PRPF40B: variants seen among roughly 807,000 people sequenced by gnomAD.
PRPF40B encodes the protein pre-mRNA-processing factor 40 homolog B.
A neutral mutation model predicts 124.5 loss-of-function variants in PRPF40B; 56 were observed. The observed-to-expected ratio is 0.45, with a 90% CI of 0.36 to 0.56. The LOEUF (loss-of-function observed/expected upper bound fraction) is 0.56. Ranked by LOEUF, PRPF40B falls within the 20% of genes least tolerant of loss-of-function variation. PRPF40B has a pLI of 0.00. For synonymous variants in PRPF40B, 443 were observed against 426.4 expected (o/e 1.04, Z -0.48); for missense variants, 1,053 against 1,169.5 (o/e 0.90, Z 1.45).
chr12:49,633,247 C>G lies in PRPF40B; in HGVS notation c.459+123C>G, dbSNP rs1227411764. ...TCTGATCCCAAGGTCCCTGACCATT[C>G]CTCACCCTCCCTGGAAATGCCTCCA... On this transcript the variant is annotated intron_variant, in intron 7 of 25. Coordinates refer to ENST00000548825, the MANE Select transcript of PRPF40B (RefSeq NM_001031698.3). 12 of 1,245,434 alleles carry G rather than the reference C, an allele frequency of 9.6e-6. No homozygotes were observed. The Admixed American group carries it at 2.3e-4, about 23-fold the overall frequency. The allele number at this position is 1,245,434 out of a possible 1,614,324, so 77.1% of individuals were successfully genotyped here.
Position 49,633,911 on chromosome 12 carries a change from A to ACACTTCAGCCACAGC in PRPF40B, c.635_649dup (p.Leu212_Pro216dup). 1 of 1,614,098 alleles carries ACACTTCAGCCACAGC rather than the reference A, an allele frequency of 6.2e-7. No homozygotes were observed. The highest frequency in any genetic ancestry group is 8.5e-7 in the Non-Finnish European group (1 of 1,180,002). On this transcript the variant is annotated inframe_insertion, in exon 10 of 26. Transcript: ENST00000548825. ...GAAACAGCAGCAGCAGCTGCCACAG[A>ACACTTCAGCCACAGC]CACTTCAGCCACAGCCACCTCAGCC... is the stretch of plus-strand genomic sequence containing the variant.
In PRPF40B at chr12:49,642,605, C is replaced by A; in HGVS notation, c.2048C>A (p.Ser683Ter). 1 of 1,614,242 alleles carries A rather than the reference C, an allele frequency of 6.2e-7. No homozygotes were observed. Among genetic ancestry groups the A allele is most frequent in the Non-Finnish European group, 8.5e-7 (1 of 1,180,034 alleles). ...EEVRERFVCD[S>*]AFEQITLESE... ...GTCCGTGAGCGTTTTGTGTGTGACT[C>A]AGCCTTTGAGCAGATCACCCTGGAG... The change falls in exon 21 of 26, where the codon TCA becomes TAA. Residue 683 changes from serine (S) to a stop codon, truncating the protein, a stop_gained. Coordinates refer to ENST00000548825, the MANE Select transcript of PRPF40B (RefSeq NM_001031698.3). LOFTEE classifies it high-confidence loss of function. The surrounding 1 kb of genome is among the most constrained non-coding windows in gnomAD (Gnocchi z 5.8).
At chr12:49,632,059 C>A in intron 4 of PRPF40B, 134 bp downstream of exon 4, 1 of 851,212 alleles carries the variant, frequency 1.2e-6, no homozygotes, top group Non-Finnish European at 2.0e-6. Context: ...GCACTCCCCA[C>A]ACTCAAATCC....
chr12:49,635,973 C>G lies in PRPF40B; in HGVS notation c.1406C>G (p.Ala469Gly). Residue 469 changes from alanine (A) to glycine (G), a missense_variant, in exon 15 of 26, where the codon GCT becomes GGT. Physicochemically the swap from Ala to Gly is moderately conservative, Grantham distance 60 (BLOSUM62 0). Transcript: ENST00000548825. The surrounding 1 kb of genome is among the most constrained non-coding windows in gnomAD (Gnocchi z 4.1). ...QQYLMDNPSF[A>G]QDHQLQNMDK... ...TACCTCATGGATAACCCCAGCTTTG[C>G]TCAGGACCATCAGCTGCAGAGTAAG... The G allele has an allele frequency of 6.2e-7, 1 of 1,614,150 alleles. No homozygotes were observed. The highest frequency in any genetic ancestry group is 8.5e-7 in the Non-Finnish European group (1 of 1,180,002).
intron 1 of PRPF40B, among the ~76,000 whole-genome samples, chr12:49,627,615 G>A (rs1344336808): frequency 6.6e-6 from 1 of 152,128 alleles, no homozygotes; most frequent in African/African-American, 2.4e-5. Context: ...AAGGTAGCTG[G>A]GTAGCAGACC....
rs946206565 is a variant in PRPF40B at position 49,631,998 on chromosome 12, A to G, written c.294+73A>G. On this transcript the variant is annotated intron_variant, in intron 4 of 25. Coordinates refer to ENST00000548825, the MANE Select transcript of PRPF40B (RefSeq NM_001031698.3). This position sits in a 1 kb window ranked among gnomAD's most constrained non-coding sequence, Gnocchi z 4.3. ...TGAGTCTGACTTGGAATGCAGGACT[A>G]TGACCTCCATTCTTTCCCTCTTCTC... is the stretch of plus-strand genomic sequence containing the variant. The G allele has an allele frequency of 6.5e-6, 9 of 1,394,302 alleles. No individual in the cohort carries two copies. Among genetic ancestry groups the G allele is most frequent in the Admixed American group, 1.7e-5 (1 of 59,706 alleles). The allele number at this position is 1,394,302 out of a possible 1,614,324, so 86.4% of individuals were successfully genotyped here. A position where few individuals can be genotyped will look rare whatever the true frequency, so the allele number is the denominator to read the frequency against.
rs572799556 is a variant in PRPF40B at position 49,641,959 on chromosome 12, G to A, written c.1819G>A (p.Val607Ile). The A allele has an allele frequency of 6.8e-6, 11 of 1,613,874 alleles. No individual in the cohort carries two copies. In the East Asian group the frequency reaches 8.9e-5, roughly 13 times the overall value. The change falls in exon 19 of 26, where the codon GTC (valine) becomes ATC (isoleucine). Residue 607 changes from valine to isoleucine, a missense_variant. Val to Ile is a conservative substitution (Grantham distance 29, BLOSUM62 3). This residue lies in a region of PRPF40B where 895 missense variants were observed against 1,052.2 expected (regional missense o/e 0.85). Coordinates refer to ENST00000548825, the MANE Select transcript of PRPF40B (RefSeq NM_001031698.3). Reference protein sequence around the residue: ...VNTAFEDFAHVISFDKRAAAL... With the variant: ...VNTAFEDFAHIISFDKRAAAL... ...CACGGCCTTTGAGGACTTCGCCCAC[G>A]TCATAAGCTTTGACAAGAGGGCTGC...
Position 49,644,207 on chromosome 12 carries a change from C to T in PRPF40B, c.*15C>T, listed in dbSNP as rs775173249. The T allele has an allele frequency of 8.1e-6, 13 of 1,613,742 alleles. No homozygotes were observed. Among genetic ancestry groups the T allele is most frequent in the Admixed American group, 3.3e-5 (2 of 60,000 alleles). On this transcript the variant is annotated 3_prime_UTR_variant, in exon 26 of 26. Coordinates refer to ENST00000548825, the MANE Select transcript of PRPF40B (RefSeq NM_001031698.3). ...ATCACCAGTGACCCAATGAGCTGTT[C>T]TCTGCCTCGGGTCTGTGTGAGGCCA...
At chr12:49,636,870 A>G in intron 16 of PRPF40B, 21 bp downstream of exon 16, 2 of 1,612,974 alleles carry the variant, frequency 1.2e-6, no homozygotes, top group South Asian at 1.1e-5. Flanking sequence ...TGTCCTTTCT[A>G]GATCAGAGCT....
chr12:49,631,522 G>C lies in PRPF40B; in HGVS notation c.206G>C (p.Gly69Ala). Residue 69 changes from glycine to alanine, a missense_variant, in exon 3 of 26, where the codon GGG (glycine) becomes GCG (alanine). Coordinates refer to ENST00000548825, the MANE Select transcript of PRPF40B (RefSeq NM_001031698.3). The surrounding 1 kb of genome is among the most constrained non-coding windows in gnomAD (Gnocchi z 4.3). ...CTGCCCCCAATGCTTCCACCAATGGGGGCGCCACCACCACTCACACAGGTA... is the reference window on the plus strand; with the variant it reads ...CTGCCCCCAATGCTTCCACCAATGGCGGCGCCACCACCACTCACACAGGTA... The part of the protein sequence containing the change: ...GILPPMLPPM[G>A]APPPLTQIPG... 2 of 1,548,954 alleles carry C rather than the reference G, an allele frequency of 1.3e-6. No individual in the cohort carries two copies. The highest frequency in any genetic ancestry group is 8.7e-7 in the Non-Finnish European group (1 of 1,155,082).
Position 49,631,676 on chromosome 12 carries a change from T to C in PRPF40B, c.228+132T>C. 1.5e-6 allele frequency: 2 copies of C among 1,321,590 alleles called. No homozygotes were observed. The highest frequency in any genetic ancestry group is 2.1e-6 in the Non-Finnish European group (2 of 935,752). The allele number at this position is 1,321,590 out of a possible 1,614,324, so 81.9% of individuals were successfully genotyped here. ...TTTGGGCCAAACCCATGTGGATTTG[T>C]CTGCTGAATGACTGAGACAACTCTC... On this transcript the variant is annotated intron_variant, in intron 3 of 25. Coordinates refer to ENST00000548825, the MANE Select transcript of PRPF40B (RefSeq NM_001031698.3). This position sits in a 1 kb window ranked among gnomAD's most constrained non-coding sequence, Gnocchi z 4.3.
chr12:49,640,967 G>T (rs542459954), intron 18 of PRPF40B: 57 of 152,328 alleles, frequency 3.7e-4, no homozygotes, highest in African/African-American at 1.3e-3. Flanking sequence ...AGTACCCTTG[G>T]AAAGAAGAAA....
At position 49,633,968 on chromosome 12, in the gene PRPF40B, C is replaced by G; in HGVS notation, c.688C>G (p.Pro230Ala). The G allele has an allele frequency of 6.2e-7, 1 of 1,614,232 alleles. No individual in the cohort carries two copies. The highest frequency in any genetic ancestry group is 8.5e-7 in the Non-Finnish European group (1 of 1,180,038). ...TGACCCCCCACCTGTGCCTCCTGGC[C>G]CCACCCCAGTGCCCACAGGCCTCCT... is the stretch of plus-strand genomic sequence containing the variant. ...QPDPPPVPPG[P>A]TPVPTGLLEP... The change falls in exon 10 of 26, where the codon CCC (proline) becomes GCC (alanine). Residue 230 changes from proline (P) to alanine (A), a missense_variant. By Grantham distance (27) the Pro-to-Ala change is conservative. Coordinates refer to ENST00000548825, the MANE Select transcript of PRPF40B (RefSeq NM_001031698.3).
intron 18 of PRPF40B, chr12:49,638,118 A>T: frequency 2.7e-6 from 1 of 369,946 alleles, no homozygotes; most frequent in South Asian, 3.2e-5. Context: ...AGAAATTTGT[A>T]GGTGGAAGAG....
In PRPF40B at chr12:49,642,760, T is replaced by C; in HGVS notation, c.2118+85T>C. On this transcript the variant is annotated intron_variant, in intron 21 of 25. Transcript: ENST00000548825. This position sits in a 1 kb window ranked among gnomAD's most constrained non-coding sequence, Gnocchi z 5.8. ...ACAGAGACCTCAGTGGCCTCCCTCT[T>C]ACCCTTAGGGCACTCCTGGCCAGCT... 6.8e-7 allele frequency: 1 copy of C among 1,479,786 alleles called. No individual in the cohort carries two copies. The highest frequency in any genetic ancestry group is 9.3e-7 in the Non-Finnish European group (1 of 1,079,640). The allele number at this position is 1,479,786 out of a possible 1,614,324, so 91.7% of individuals were successfully genotyped here.
chr12:49,627,780 G>C (rs1940859217), intron 1 of PRPF40B, among the ~76,000 whole-genome samples: 1 of 152,142 alleles, frequency 6.6e-6, no homozygotes, highest in Non-Finnish European at 1.5e-5. Flanking sequence ...CAGTTGGGAG[G>C]CCACTGCAAT....
intron 1 of PRPF40B, among the ~76,000 whole-genome samples, chr12:49,624,814 C>T (rs1470157948): frequency 6.7e-6 from 1 of 148,396 alleles, no homozygotes; most frequent in Non-Finnish European, 1.5e-5. Context: ...CATTGCACTC[C>T]AGTCTGGGCA....
Position 49,641,934 on chromosome 12 carries a change from C to G in PRPF40B, c.1794C>G (p.Asn598Lys). ...ACCGGGGCTTCTGCGTGGAGGTGAA[C>G]ACGGCCTTTGAGGACTTCGCCCACG... ...LKDRGFCVEV[N>K]TAFEDFAHVI... Residue 598 changes from asparagine (N) to lysine (K), a missense_variant, in exon 19 of 26, where the codon AAC (asparagine) becomes AAG (lysine). Asn to Lys is a moderately conservative substitution (Grantham distance 94, BLOSUM62 0). Coordinates refer to ENST00000548825, the MANE Select transcript of PRPF40B (RefSeq NM_001031698.3). 3 of 1,613,688 alleles carry G rather than the reference C, an allele frequency of 1.9e-6. No homozygotes were observed. The highest frequency in any genetic ancestry group is 2.5e-6 in the Non-Finnish European group (3 of 1,180,048).
upstream of PRPF40B, among the ~76,000 whole-genome samples, chr12:49,623,246 C>T (rs1323689618): frequency 6.6e-6 from 1 of 151,874 alleles, no homozygotes; most frequent in Non-Finnish European, 1.5e-5. Context: ...GCTCCTGGAG[C>T]GCCGGCGACT....
Sources: allele counts gnomAD v4.1 joint callset (sites outside exome capture counted in the v4.1 genomes callset), GRCh38; gene constraint gnomAD v4.1.1; regional missense constraint gnomAD v4.1.1; non-coding constraint Gnocchi (gnomAD v3.1); transcripts MANE v1.5; gene names NCBI Gene and HGNC (gene_info 2026-07-23, HGNC 2026-07-21).